The following IQUB variants were observed in gnomAD, a reference collection of about 807,000 sequenced individuals.
IQUB encodes the protein IQ motif and ubiquitin-like domain-containing protein.
A neutral mutation model predicts 86.4 loss-of-function variants in IQUB; 86 were observed. The ratio of observed to expected loss-of-function variants is 1.00; its 90% CI spans 0.84 to 1.19. IQUB has a LOEUF of 1.19. IQUB is among the 50% of genes most tolerant of loss of function. The pLI is 0.00. For missense variants in IQUB, 946 were observed against 916.9 expected, an observed-to-expected ratio of 1.03 and a Z score of -0.41; for synonymous variants, 289 against 304.5, an observed-to-expected ratio of 0.95 and a Z score of 0.53.
At chr7:123,516,858 G>A (rs1339158444) in intron 1 of IQUB, among the ~76,000 whole-genome samples, 1 of 152,114 alleles carries the variant, frequency 6.6e-6, no homozygotes, top group Non-Finnish European at 1.5e-5. Flanking sequence ...TTAGGAATAG[G>A]AACTAAAAAT....
At chr7:123,518,221 G>C (rs556621251) in intron 1 of IQUB, among the ~76,000 whole-genome samples, 5 of 151,698 alleles carry the variant, frequency 3.3e-5, no homozygotes, top group South Asian at 2.1e-4. Flanking sequence ...TTTAGTCTCA[G>C]TCTACTTTTT....
At chr7:123,513,105 A>C (rs949935448) in intron 1 of IQUB, among the ~76,000 whole-genome samples, 1 of 152,204 alleles carries the variant, frequency 6.6e-6, no homozygotes, top group African/African-American at 2.4e-5. Flanking sequence ...GGCAAGGGGA[A>C]TATGAAACCT....
chr7:123,495,275 C>T (rs1795658176), intron 7 of IQUB, among the ~76,000 whole-genome samples: 1 of 151,996 alleles, frequency 6.6e-6, no homozygotes, highest in Non-Finnish European at 1.5e-5. Flanking sequence ...TATAAATATT[C>T]CTAAAGCCAC....
chr7:123,503,050 C>T lies in IQUB; in HGVS notation c.761G>A (p.Gly254Asp). The change falls in exon 5 of 13, where the codon GGT (glycine) becomes GAT (aspartate). Residue 254 changes from glycine to aspartate, a missense_variant. Gly to Asp is a moderately conservative substitution (Grantham distance 94). Coordinates refer to ENST00000324698, the MANE Select transcript of IQUB (RefSeq NM_178827.5). ...VKSDFHKPFL[G>D]GFRHKVTGVE... ...TCCTGTTACTTTATGTCTGAATCCA[C>T]CAAGAAATGGTTTGTGAAAGTCAGA... 1 of 1,613,392 alleles carries T rather than the reference C, an allele frequency of 6.2e-7. No homozygotes were observed. Among genetic ancestry groups the T allele is most frequent in the Non-Finnish European group, 8.5e-7 (1 of 1,179,626 alleles).
chr7:123,508,396 C>T (rs1796283045), intron 3 of IQUB, among the ~76,000 whole-genome samples: 1 of 152,170 alleles, frequency 6.6e-6, no homozygotes, highest in South Asian at 2.1e-4. Flanking sequence ...TTAGAACAGC[C>T]ATAAGAAACC....
rs1171565182 is a variant in IQUB at position 123,452,599 on chromosome 7, T to C, written c.*144A>G. 2.2e-6 allele frequency: 1 copy of C among 451,352 alleles called. No individual in the cohort carries two copies. The highest frequency in any genetic ancestry group is 3.8e-6 in the Non-Finnish European group (1 of 264,620). The allele number at this position is 451,352 out of a possible 1,614,324, so 28.0% of individuals were successfully genotyped here. ...TACTTACTTATATAGAAATGTTTTC[T>C]CTTTATATAACTCAAAATACTATGA... On this transcript the variant is annotated 3_prime_UTR_variant, in exon 13 of 13. Transcript: ENST00000324698.
intron 2 of IQUB, among the ~76,000 whole-genome samples, chr7:123,510,658 A>C (rs551814276): frequency 2.0e-5 from 3 of 152,250 alleles, no homozygotes; most frequent in South Asian, 4.1e-4. Flanking sequence ...TGTGGATCAA[A>C]AAAGTTTTGT....
chr7:123,480,026 C>G (rs112172900), intron 7 of IQUB, 56 bp from the exon 8 acceptor site: 1 of 1,307,456 alleles, frequency 7.6e-7, no homozygotes, highest in East Asian at 2.4e-5. Context: ...CTTGAATGAT[C>G]ACATCCTGAT....
chr7:123,467,526 G>T (rs1452434843), intron 9 of IQUB, among the ~76,000 whole-genome samples: 1 of 152,142 alleles, frequency 6.6e-6, no homozygotes, highest in Non-Finnish European at 1.5e-5. Context: ...AAAGACCCAG[G>T]ATCCTGTGAG....
At chr7:123,515,283 A>G (rs901037513) in intron 1 of IQUB, among the ~76,000 whole-genome samples, 1 of 152,192 alleles carries the variant, frequency 6.6e-6, no homozygotes, top group Admixed American at 6.5e-5. Context: ...AAACAGCAAT[A>G]ACAACAAAAT....
chr7:123,516,911 T>C (rs1796662871), intron 1 of IQUB, among the ~76,000 whole-genome samples: 1 of 152,100 alleles, frequency 6.6e-6, no homozygotes, highest in Non-Finnish European at 1.5e-5. Context: ...AGCTAACAAT[T>C]TAGCCTGCCA....
rs1308758130 is a variant in IQUB at position 123,528,209 on chromosome 7, A to C, written c.-5+6283T>G. Among the ~76,000 whole-genome samples, 8 of 152,236 alleles carry C rather than the reference A, an allele frequency of 5.3e-5. No homozygotes were observed. The East Asian group carries it at 1.6e-3, about 30-fold the overall frequency. ...TGCACGCACCCACTGACCTGCGCCCACTGTCTGGCACTCCCTAGTGAGATG... is the reference window on the plus strand; with the variant it reads ...TGCACGCACCCACTGACCTGCGCCCCCTGTCTGGCACTCCCTAGTGAGATG... On this transcript the variant is annotated intron_variant, in intron 1 of 12. Coordinates refer to ENST00000324698, the MANE Select transcript of IQUB (RefSeq NM_178827.5).
Position 123,510,027 on chromosome 7 carries a change from C to A in IQUB, c.406G>T (p.Val136Leu). The change falls in exon 3 of 13, where the codon GTA (valine) becomes TTA (leucine). Residue 136 changes from valine (V) to leucine (L), a missense_variant. Coordinates refer to ENST00000324698, the MANE Select transcript of IQUB (RefSeq NM_178827.5). ...ATTTCCTGGCCCACTGGAATAAGTACAACTTTTACTGTAAATTAAATAGAA... is the reference window on the plus strand; with the variant it reads ...ATTTCCTGGCCCACTGGAATAAGTAAAACTTTTACTGTAAATTAAATAGAA... ...VEDSLATVKVVLIPVGQEIVI... is the reference protein window; with the variant it reads ...VEDSLATVKVLLIPVGQEIVI... The A allele has an allele frequency of 6.4e-7, 1 of 1,550,390 alleles. No homozygotes were observed. Among genetic ancestry groups the A allele is most frequent in the Non-Finnish European group, 8.8e-7 (1 of 1,137,258 alleles).
At chr7:123,506,338 C>T (rs936034125) in intron 3 of IQUB, among the ~76,000 whole-genome samples, 1 of 152,218 alleles carries the variant, frequency 6.6e-6, no homozygotes, top group Non-Finnish European at 1.5e-5. Flanking sequence ...GATAACTTTA[C>T]AGCAATGCCA....
intron 7 of IQUB, among the ~76,000 whole-genome samples, chr7:123,487,494 A>G (rs1367852209): frequency 3.3e-5 from 5 of 152,198 alleles, no homozygotes; most frequent in African/African-American, 1.2e-4. Flanking sequence ...ATTAATCAAG[A>G]CATTATTAGA....
At chr7:123,499,551 A>G (rs1041911833) in intron 6 of IQUB, among the ~76,000 whole-genome samples, 1 of 152,188 alleles carries the variant, frequency 6.6e-6, no homozygotes, top group Non-Finnish European at 1.5e-5. Context: ...TCTCAAGCAT[A>G]TTACAATAAG....
rs372586844 is a variant in IQUB at position 123,469,431 on chromosome 7, C to T, written c.1411-47G>A. The T allele has an allele frequency of 2.5e-4, 296 of 1,161,064 alleles. 6 individuals are homozygous for T. The South Asian group carries it at 5.2e-3, about 20-fold the overall frequency. 71.9% of individuals were successfully genotyped at this position (1,161,064 alleles called of 1,614,324 possible). Reference sequence around the variant, plus strand: ...ATAATTATCAGTTAATTAGAAACTACGTATAACAATTTTGCTCCTTCTACT... The same window carrying T: ...ATAATTATCAGTTAATTAGAAACTATGTATAACAATTTTGCTCCTTCTACT... On this transcript the variant is annotated intron_variant, in intron 8 of 12. Transcript: ENST00000324698.
chr7:123,507,683 G>T (rs1397031762), intron 3 of IQUB, among the ~76,000 whole-genome samples: 1 of 152,012 alleles, frequency 6.6e-6, no homozygotes, highest in Admixed American at 6.6e-5. Flanking sequence ...GACCAGCCTG[G>T]CCAATATGGT....
chr7:123,460,335 A>ATAGAT (rs1303881130), intron 11 of IQUB, among the ~76,000 whole-genome samples: 1 of 152,002 alleles, frequency 6.6e-6, no homozygotes, highest in African/African-American at 2.4e-5. Context: ...CATTTTTACT[A>ATAGAT]TAGATTGAGA....
Sources: allele counts gnomAD v4.1 joint callset (sites outside exome capture counted in the v4.1 genomes callset), GRCh38; gene constraint gnomAD v4.1.1; transcripts MANE v1.5; gene names NCBI Gene and HGNC (gene_info 2026-07-23, HGNC 2026-07-21).